The following SGCZ variants were observed in gnomAD, a reference collection of about 807,000 sequenced individuals.
The protein encoded by SGCZ is zeta-sarcoglycan.
A neutral mutation model predicts 41.3 loss-of-function variants in SGCZ; 40 were observed. The ratio of observed to expected loss-of-function variants is 0.97; its 90% CI spans 0.75 to 1.26. The LOEUF (loss-of-function observed/expected upper bound fraction) is 1.26. SGCZ is among the 50% of genes most tolerant of loss of function. SGCZ has a pLI of 0.00. For missense variants in SGCZ, 552 were observed against 369.8 expected (o/e 1.49, Z -4.04); for synonymous variants, 206 against 137.5 (o/e 1.50, Z -3.49).
chr8:14,578,939 CG>C (rs1157907869), intron 1 of SGCZ, among the ~76,000 whole-genome samples: 9 of 152,080 alleles, frequency 5.9e-5, no homozygotes, highest in African/African-American at 2.2e-4. Context: ...ACTCTTCTGT[CG>C]TTTACTTTAG....
chr8:14,974,804 AC>A (rs1355690090), intron 1 of SGCZ, among the ~76,000 whole-genome samples: 1 of 151,542 alleles, frequency 6.6e-6, no homozygotes, highest in Non-Finnish European at 1.5e-5. Context: ...AAACAAAATT[AC>A]TTTTGGCAAA....
chr8:14,713,190 A>G lies in SGCZ; in HGVS notation c.40-158264T>C, dbSNP rs79921662. ...TGCAAAAGTTGTTCAGATAACATGC[A>G]TAGTAATTTGTAAAAGAAATCCGGA... On this transcript the variant is annotated intron_variant, in intron 1 of 7. Transcript: ENST00000382080. Among the ~76,000 whole-genome samples the G allele has an allele frequency of 1.5e-3, 233 of 152,352 alleles. 3 individuals carry two copies. The highest frequency in any genetic ancestry group is 7.1e-3 in the Admixed American group (108 of 15,304).
At chr8:15,104,868 G>C (rs1806760924) in intron 1 of SGCZ, among the ~76,000 whole-genome samples, 1 of 152,112 alleles carries the variant, frequency 6.6e-6, no homozygotes. Context: ...AAATAGTCTT[G>C]AATTCTGTAT....
At chr8:14,620,824 C>G (rs981499084) in intron 1 of SGCZ, among the ~76,000 whole-genome samples, 6 of 152,138 alleles carry the variant, frequency 3.9e-5, no homozygotes, top group African/African-American at 1.2e-4. Context: ...AATAGGAACA[C>G]TTTTACACTG....
chr8:14,271,212 A>G (rs2117263559), intron 3 of SGCZ, among the ~76,000 whole-genome samples: 1 of 152,222 alleles, frequency 6.6e-6, no homozygotes, highest in East Asian at 1.9e-4. Flanking sequence ...AAAAAAAAGG[A>G]AATGATGTAT....
intron 1 of SGCZ, among the ~76,000 whole-genome samples, chr8:15,087,497 C>T (rs142468614): frequency 6.6e-6 from 1 of 152,204 alleles, no homozygotes; most frequent in Non-Finnish European, 1.5e-5. Flanking sequence ...AAAATTTTAG[C>T]TGCTTAATGC....
At chr8:14,493,355 C>CTTT (rs1563365484) in intron 2 of SGCZ, among the ~76,000 whole-genome samples, 10 of 66,276 alleles carry the variant, frequency 1.5e-4, no homozygotes, top group African/African-American at 6.0e-4. Context: ...CACTATCATC[C>CTTT]TTTCTTTTTT....
intron 1 of SGCZ, among the ~76,000 whole-genome samples, chr8:14,763,090 T>G (rs2130363083): frequency 6.6e-6 from 1 of 152,294 alleles, no homozygotes; most frequent in East Asian, 1.9e-4. Flanking sequence ...AAAAATTTGT[T>G]TGTTGCTGGT....
chr8:14,929,213 G>A (rs1250983711), intron 1 of SGCZ, among the ~76,000 whole-genome samples: 1 of 152,026 alleles, frequency 6.6e-6, no homozygotes, highest in Non-Finnish European at 1.5e-5. Context: ...GGCTGGTCTC[G>A]AACTCCTGAC....
At chr8:14,304,307 A>C (rs1214698964) in intron 3 of SGCZ, among the ~76,000 whole-genome samples, 4 of 152,012 alleles carry the variant, frequency 2.6e-5, no homozygotes, top group Non-Finnish European at 2.9e-5. Context: ...TTAAAAAATT[A>C]AAAAGGCCAG....
chr8:14,726,341 TAA>T (rs1554488743), intron 1 of SGCZ, among the ~76,000 whole-genome samples: 2 of 144,534 alleles, frequency 1.4e-5, no homozygotes, highest in African/African-American at 5.0e-5. Context: ...TATATATATA[TAA>T]AATTAGATAG....
chr8:14,765,256 C>G (rs1170300760), intron 1 of SGCZ, among the ~76,000 whole-genome samples: 3 of 152,110 alleles, frequency 2.0e-5, no homozygotes, highest in Non-Finnish European at 4.4e-5. Context: ...ATAAAAGAAG[C>G]TGAAATATAT....
chr8:14,976,722 A>C (rs1585429921), intron 1 of SGCZ, among the ~76,000 whole-genome samples: 1 of 152,132 alleles, frequency 6.6e-6, no homozygotes, highest in African/African-American at 2.4e-5. Context: ...AAGATGAAAA[A>C]CTTACACCAT....
intron 1 of SGCZ, among the ~76,000 whole-genome samples, chr8:15,213,247 T>C (rs947977124): frequency 6.6e-6 from 1 of 151,882 alleles, no homozygotes; most frequent in Non-Finnish European, 1.5e-5. Context: ...GCAACAAGAG[T>C]AATCCTACCC....
At chr8:15,105,862 C>T (rs1382649077) in intron 1 of SGCZ, among the ~76,000 whole-genome samples, 2 of 152,068 alleles carry the variant, frequency 1.3e-5, no homozygotes, top group African/African-American at 4.8e-5. Flanking sequence ...GTTTAGTTTG[C>T]AGTAGGAGAC....
At chr8:14,174,177 A>G (rs1804473997) in intron 4 of SGCZ, among the ~76,000 whole-genome samples, 1 of 152,150 alleles carries the variant, frequency 6.6e-6, no homozygotes. Context: ...AGTTAATACA[A>G]TCTTTAAAAA....
chr8:14,091,934 G>A (rs180794949), intron 7 of SGCZ, among the ~76,000 whole-genome samples: 2 of 152,162 alleles, frequency 1.3e-5, no homozygotes, highest in Admixed American at 1.3e-4. Context: ...TTTCTTCTAG[G>A]GTTTTTACAG....
intron 2 of SGCZ, among the ~76,000 whole-genome samples, chr8:14,509,118 T>A (rs1289643845): frequency 6.6e-6 from 1 of 152,086 alleles, no homozygotes. Flanking sequence ...AAACAAAAAC[T>A]AGGAAATTAG....
At chr8:14,906,465 T>C (rs879408081) in intron 1 of SGCZ, among the ~76,000 whole-genome samples, 1 of 152,194 alleles carries the variant, frequency 6.6e-6, no homozygotes, top group Non-Finnish European at 1.5e-5. Context: ...TCTGTAGTGA[T>C]ATGGCAGGTT....
Sources: gnomAD v4.1 joint callset for allele counts (sites outside exome capture counted in the v4.1 genomes callset) on GRCh38, gnomAD v4.1.1 for gene constraint, MANE v1.5 for transcripts, NCBI Gene and HGNC (gene_info 2026-07-23, HGNC 2026-07-21) for gene names.